OR2C3: variants seen among roughly 807,000 people sequenced by gnomAD.
The protein encoded by OR2C3 is olfactory receptor 2C3.
For missense variants in OR2C3, 425 were observed against 401.5 expected (o/e 1.06, Z -0.50); for synonymous variants, 178 against 163.4 (o/e 1.09, Z -0.68).
rs894635488 is a variant in OR2C3 at position 247,530,927 on chromosome 1, G to T, written c.*622C>A. Reference sequence around the variant, plus strand: ...AGGCGCTGAGTCCCGGCGGCTCGGCGCGGTCTTGGTCTGGGTCGGTGGGGT... The same window carrying T: ...AGGCGCTGAGTCCCGGCGGCTCGGCTCGGTCTTGGTCTGGGTCGGTGGGGT... On this transcript the variant is annotated 3_prime_UTR_variant, in exon 3 of 3. Transcript: ENST00000641802. The T allele has an allele frequency of 6.6e-6, 1 of 152,524 alleles. No individual in the cohort carries two copies. Among genetic ancestry groups the T allele is most frequent in the Admixed American group, 6.5e-5 (1 of 15,296 alleles). 9.4% of individuals were successfully genotyped at this position (152,524 alleles called of 1,614,324 possible).
intron 2 of OR2C3, among the ~76,000 whole-genome samples, 181 bp downstream of exon 2, chr1:247,533,326 C>G (rs898528614): frequency 3.9e-5 from 6 of 152,222 alleles, no homozygotes; most frequent in Admixed American, 3.9e-4. Context: ...CCTTCTTGTC[C>G]GTGGCCCCTC....
rs1040780605 is a variant in OR2C3, at chr1:247,528,196, C to T, written c.*3353G>A. The T allele has an allele frequency of 4.6e-5, 7 of 150,992 alleles. No individual in the cohort carries two copies. The highest frequency in any genetic ancestry group is 9.8e-5 in the African/African-American group (4 of 40,998). 9.4% of individuals were successfully genotyped at this position (150,992 alleles called of 1,614,324 possible). Reference sequence around the variant, plus strand: ...TGCTTTTTTACTTCCCCTTCCCCCACCCCCAAGCCCCCAAAATTGTATAAT... The same window carrying T: ...TGCTTTTTTACTTCCCCTTCCCCCATCCCCAAGCCCCCAAAATTGTATAAT... On this transcript the variant is annotated 3_prime_UTR_variant, in exon 3 of 3. Coordinates refer to ENST00000641802, the MANE Select transcript of OR2C3 (RefSeq NM_198074.6).
chr1:247,526,021 C>T lies in OR2C3; in HGVS notation c.*5528G>A, dbSNP rs1046849613. 1.3e-5 allele frequency: 2 copies of T among 152,150 alleles called. No individual in the cohort carries two copies. The highest frequency in any genetic ancestry group is 4.8e-5 in the African/African-American group (2 of 41,434). 9.4% of individuals were successfully genotyped at this position (152,150 alleles called of 1,614,324 possible). ...CTAAAATTTATCTTGAGCTACTAGT[C>T]AAGTTTGCAAGGATTTCAATACACA... is the stretch of plus-strand genomic sequence containing the variant. On this transcript the variant is annotated 3_prime_UTR_variant, in exon 3 of 3. Coordinates refer to ENST00000641802, the MANE Select transcript of OR2C3 (RefSeq NM_198074.6). This position sits in a 1 kb window ranked among gnomAD's most constrained non-coding sequence, Gnocchi z 4.8.
chr1:247,531,742 A>G lies in OR2C3; in HGVS notation c.770T>C (p.Ile257Thr), dbSNP rs746274604. 1.2e-6 allele frequency: 2 copies of G among 1,614,174 alleles called. No individual in the cohort carries two copies. Among genetic ancestry groups the G allele is most frequent in the Non-Finnish European group, 1.7e-6 (2 of 1,180,030 alleles). Residue 257 changes from isoleucine to threonine, a missense_variant, in exon 3 of 3, where the codon ATC becomes ACC. By Grantham distance (89) the Ile-to-Thr change is moderately conservative. Transcript: ENST00000641802. ...CTTGGCTGGCTGGAGATACATGAAG[A>G]TGATGCTCCCGTAAAACAGAGACAC... ...AVVSLFYGSI[I>T]FMYLQPAKST...
rs766755350 is a variant in OR2C3 at position 247,531,609 on chromosome 1, G to C, written c.903C>G (p.Ala301=). Residue 301 remains alanine (A), a synonymous_variant, in exon 3 of 3, where the codon GCC becomes GCG. Coordinates refer to ENST00000641802, the MANE Select transcript of OR2C3 (RefSeq NM_198074.6). ...YTLRNTEVKS[A]LRHMVLENCC... ...AGTTCTCTAATACCATGTGCCGGAG[G>C]GCGCTCTTCACCTCCGTGTTCCTCA... The C allele has an allele frequency of 6.2e-7, 1 of 1,614,174 alleles. No homozygotes were observed. Among genetic ancestry groups the C allele is most frequent in the South Asian group, 1.1e-5 (1 of 91,084 alleles).
Position 247,529,535 on chromosome 1 carries a change from G to C in OR2C3, c.*2014C>G, listed in dbSNP as rs1666822227. The C allele has an allele frequency of 6.6e-6, 1 of 152,130 alleles. No homozygotes were observed. Among genetic ancestry groups the C allele is most frequent in the African/African-American group, 2.4e-5 (1 of 41,420 alleles). 9.4% of individuals were successfully genotyped at this position (152,130 alleles called of 1,614,324 possible). A position where few individuals can be genotyped will look rare whatever the true frequency, so the allele number is the denominator to read the frequency against. On this transcript the variant is annotated 3_prime_UTR_variant, in exon 3 of 3. Transcript: ENST00000641802. Reference sequence around the variant, plus strand: ...GCAGTCACCGTAACCTGATACATGAGTCCAGAAACCAACAAGACATGAGAG... The same window carrying C: ...GCAGTCACCGTAACCTGATACATGACTCCAGAAACCAACAAGACATGAGAG...
chr1:247,536,352 A>T lies in OR2C3; in HGVS notation c.-586T>A, dbSNP rs184542180. ...TGGAAATCTCTAAGTCGGTGGTAGC[A>T]GACGTGTTAGATTCTGTTCAAATTC... On this transcript the variant is annotated 5_prime_UTR_variant, in exon 1 of 3. Coordinates refer to ENST00000641802, the MANE Select transcript of OR2C3 (RefSeq NM_198074.6). 10 of 152,346 alleles carry T rather than the reference A, an allele frequency of 6.6e-5. No individual in the cohort carries two copies. The highest frequency in any genetic ancestry group is 6.5e-4 in the Admixed American group (10 of 15,308). The allele number at this position is 152,346 out of a possible 1,614,324, so 9.4% of individuals were successfully genotyped here.
In OR2C3 at chr1:247,531,250, C is replaced by T. The variant is rs973048032; in HGVS notation, c.*299G>A. ...TCCACGGAGCGTCCTGGAATCCACC[C>T]GCTTCGGATACTGAGGAACAGCTGA... On this transcript the variant is annotated 3_prime_UTR_variant, in exon 3 of 3. Transcript: ENST00000641802. The T allele has an allele frequency of 1.4e-5, 5 of 366,502 alleles. No individual in the cohort carries two copies. Among genetic ancestry groups the T allele is most frequent in the Non-Finnish European group, 9.9e-6 (2 of 201,676 alleles). The allele number at this position is 366,502 out of a possible 1,614,324, so 22.7% of individuals were successfully genotyped here.
In OR2C3 at chr1:247,534,678, G is replaced by A. The variant is rs77204638; in HGVS notation, c.-401-800C>T. Among the ~76,000 whole-genome samples, 537 of 152,250 alleles carry A rather than the reference G, an allele frequency of 3.5e-3. 6 individuals are homozygous for A. Among genetic ancestry groups the A allele is most frequent in the African/African-American group, 0.013 (522 of 41,532 alleles). On this transcript the variant is annotated intron_variant, in intron 1 of 2. Transcript: ENST00000641802. ...TTATAGTTAAGATTCACCCAGATTAGGGGAACAGAGCAGCTGTGAACTTAA... is the reference window on the plus strand; with the variant it reads ...TTATAGTTAAGATTCACCCAGATTAAGGGAACAGAGCAGCTGTGAACTTAA...
chr1:247,532,491 C>G lies in OR2C3; in HGVS notation c.21G>C (p.Val7=). 1 of 1,613,824 alleles carries G rather than the reference C, an allele frequency of 6.2e-7. No individual in the cohort carries two copies. The highest frequency in any genetic ancestry group is 2.2e-5 in the East Asian group (1 of 44,878). ...GGAGGACAAAGACTTCTGGAGAACTCACATTGGCTATTTCCATCATTGTAT... is the reference window on the plus strand; with the variant it reads ...GGAGGACAAAGACTTCTGGAGAACTGACATTGGCTATTTCCATCATTGTAT... MMEIAN[V]SSPEVFVLLG... Residue 7 remains valine (V), a synonymous_variant, in exon 3 of 3, where the codon GTG becomes GTC. Coordinates refer to ENST00000641802, the MANE Select transcript of OR2C3 (RefSeq NM_198074.6).
chr1:247,533,316 C>G (rs547405065), intron 2 of OR2C3, among the ~76,000 whole-genome samples, 191 bp downstream of exon 2: 2 of 152,284 alleles, frequency 1.3e-5, no homozygotes, highest in South Asian at 4.1e-4. Context: ...CTTTCTCCTG[C>G]CTTCTTGTCC....
Position 247,536,262 on chromosome 1 carries a change from A to G in OR2C3, c.-496T>C, listed in dbSNP as rs1400860218. 2.0e-5 allele frequency: 3 copies of G among 152,238 alleles called. No homozygotes were observed. Among genetic ancestry groups the G allele is most frequent in the African/African-American group, 7.2e-5 (3 of 41,462 alleles). The allele number at this position is 152,238 out of a possible 1,614,324, so 9.4% of individuals were successfully genotyped here. On this transcript the variant is annotated 5_prime_UTR_variant, in exon 1 of 3. Transcript: ENST00000641802. Reference sequence around the variant, plus strand: ...TTAAAAAGACTGATAACATTCATGAATTCAATGCGTGTGGCATTAAAAAAA... The same window carrying G: ...TTAAAAAGACTGATAACATTCATGAGTTCAATGCGTGTGGCATTAAAAAAA...
At position 247,526,178 on chromosome 1, in the gene OR2C3, C is replaced by T. The variant is rs1572300647; in HGVS notation, c.*5371G>A. ...TGATCTATTAAGTGAATTTATTTGCCAAGAAATCTTGAGCCTGCTATTCCC... is the reference window on the plus strand; with the variant it reads ...TGATCTATTAAGTGAATTTATTTGCTAAGAAATCTTGAGCCTGCTATTCCC... On this transcript the variant is annotated 3_prime_UTR_variant, in exon 3 of 3. Coordinates refer to ENST00000641802, the MANE Select transcript of OR2C3 (RefSeq NM_198074.6). The surrounding 1 kb of genome is among the most constrained non-coding windows in gnomAD (Gnocchi z 4.8). 1 of 152,100 alleles carries T rather than the reference C, an allele frequency of 6.6e-6. No homozygotes were observed. The highest frequency in any genetic ancestry group is 2.4e-5 in the African/African-American group (1 of 41,400). The allele number at this position is 152,100 out of a possible 1,614,324, so 9.4% of individuals were successfully genotyped here. A position where few individuals can be genotyped will look rare whatever the true frequency, so the allele number is the denominator to read the frequency against.
In OR2C3 at chr1:247,528,240, T is replaced by G. The variant is rs1162897287; in HGVS notation, c.*3309A>C. 2 of 152,160 alleles carry G rather than the reference T, an allele frequency of 1.3e-5. No individual in the cohort carries two copies. Among genetic ancestry groups the G allele is most frequent in the Admixed American group, 6.5e-5 (1 of 15,274 alleles). The allele number at this position is 152,160 out of a possible 1,614,324, so 9.4% of individuals were successfully genotyped here. A position where few individuals can be genotyped will look rare whatever the true frequency, so the allele number is the denominator to read the frequency against. ...GTATAATTATTTTTTAAATTTCATTTTAGTTTGTTTTTAATTCACAAATAA... is the reference window on the plus strand; with the variant it reads ...GTATAATTATTTTTTAAATTTCATTGTAGTTTGTTTTTAATTCACAAATAA... On this transcript the variant is annotated 3_prime_UTR_variant, in exon 3 of 3. Coordinates refer to ENST00000641802, the MANE Select transcript of OR2C3 (RefSeq NM_198074.6).
rs1666831361 is a variant in OR2C3 at position 247,529,703 on chromosome 1, T to A, written c.*1846A>T. On this transcript the variant is annotated 3_prime_UTR_variant, in exon 3 of 3. Coordinates refer to ENST00000641802, the MANE Select transcript of OR2C3 (RefSeq NM_198074.6). ...GTTTTTGTTCAAACACAAGCCTCGG[T>A]GTTACTGTGAAGGTGTTTTTTTTTT... The A allele has an allele frequency of 6.8e-6, 1 of 146,910 alleles. No homozygotes were observed. 9.1% of individuals were successfully genotyped at this position (146,910 alleles called of 1,614,324 possible). A position where few individuals can be genotyped will look rare whatever the true frequency, so the allele number is the denominator to read the frequency against.
rs752224743 is a variant in OR2C3, at chr1:247,527,965, T to C, written c.*3584A>G. 6.6e-6 allele frequency: 1 copy of C among 152,140 alleles called. No homozygotes were observed. Among genetic ancestry groups the C allele is most frequent in the Non-Finnish European group, 1.5e-5 (1 of 68,024 alleles). 9.4% of individuals were successfully genotyped at this position (152,140 alleles called of 1,614,324 possible). A position where few individuals can be genotyped will look rare whatever the true frequency, so the allele number is the denominator to read the frequency against. On this transcript the variant is annotated 3_prime_UTR_variant, in exon 3 of 3. Transcript: ENST00000641802. The surrounding 1 kb of genome is among the most constrained non-coding windows in gnomAD (Gnocchi z 4.6). ...TCTATGAGATCAACCCTTTTTTAGCTTTCACAGATGAATGAGAACATGCAG... is the reference window on the plus strand; with the variant it reads ...TCTATGAGATCAACCCTTTTTTAGCCTTCACAGATGAATGAGAACATGCAG...
At chr1:247,534,574 G>A (rs528608019) in intron 1 of OR2C3, among the ~76,000 whole-genome samples, 54 of 152,280 alleles carry the variant, frequency 3.5e-4, no homozygotes, top group African/African-American at 1.1e-3. Flanking sequence ...GTGTGCTTCC[G>A]ATGTCCCTGA....
At chr1:247,532,874 T>G (rs12730898) in intron 2 of OR2C3, among the ~76,000 whole-genome samples, 28,275 of 138,872 alleles carry the variant, frequency 0.2, 2,829 homozygotes, top group South Asian at 0.31. Context: ...AAAGACTGGG[T>G]GGGGGGTGTT....
rs1666810301 is a variant in OR2C3, at chr1:247,529,282, A to G, written c.*2267T>C. ...ATCCCCTGCAATATCACCTGTAACC[A>G]GGAAACATATTTCACAGCAAAAGGG... On this transcript the variant is annotated 3_prime_UTR_variant, in exon 3 of 3. Transcript: ENST00000641802. The G allele has an allele frequency of 6.6e-6, 1 of 152,234 alleles. No homozygotes were observed. Among genetic ancestry groups the G allele is most frequent in the Non-Finnish European group, 1.5e-5 (1 of 68,048 alleles). The allele number at this position is 152,234 out of a possible 1,614,324, so 9.4% of individuals were successfully genotyped here. A position where few individuals can be genotyped will look rare whatever the true frequency, so the allele number is the denominator to read the frequency against.
Sources: allele counts gnomAD v4.1 joint callset (sites outside exome capture counted in the v4.1 genomes callset), GRCh38; gene constraint gnomAD v4.1.1; non-coding constraint Gnocchi (gnomAD v3.1); transcripts MANE v1.5; gene names NCBI Gene and HGNC (gene_info 2026-07-23, HGNC 2026-07-21).